The following CCDC194 variants were observed in gnomAD, a reference collection of about 807,000 sequenced individuals.
The protein encoded by CCDC194 is coiled-coil domain-containing protein 194.
Under a neutral mutation model 4.9 loss-of-function variants are expected in CCDC194, and 8 were observed. That is an observed-to-expected ratio of 1.65 (90% CI 0.97 to 2.97). The LOEUF is 2.97. Ranked by LOEUF, CCDC194 falls within the 30% of genes most tolerant of loss-of-function variation. The probability of loss-of-function intolerance (pLI) is 0.00; values close to 1 mark genes in which losing one functional copy is unlikely to be tolerated. For synonymous variants in CCDC194, 13 were observed against 17.0 expected, an observed-to-expected ratio of 0.76 and a Z score of 0.58; for missense variants, 52 against 43.1, an observed-to-expected ratio of 1.21 and a Z score of -0.58.
exon 3 of CCDC194, chr19:17,391,249 T>C: frequency 4.9e-6 from 2 of 406,220 alleles, no homozygotes; most frequent in Non-Finnish European, 8.6e-6. Context: ...CCGCACAGGC[T>C]TCGCCCTCGG....
At chr19:17,388,006 C>G (rs994604453), downstream of CCDC194, among the ~76,000 whole-genome samples, 4 of 151,814 alleles carry the variant, frequency 2.6e-5, no homozygotes, top group African/African-American at 9.7e-5. Context: ...CCCGCCTCAG[C>G]CTCCCAAGTA....
chr19:17,393,975 G>T (rs2145738794), exon 1 of CCDC194: 1 of 394,280 alleles, frequency 2.5e-6, no homozygotes, highest in East Asian at 3.6e-5. Flanking sequence ...CCAGGCGGCG[G>T]GTCCCCGGGC....
At chr19:17,394,104 C>G (rs1175838786) in exon 1 of CCDC194, 1 of 392,832 alleles carries the variant, frequency 2.5e-6, no homozygotes, top group Non-Finnish European at 4.5e-6. Context: ...ACGGCCACCC[C>G]GCACAGGGCG....
chr19:17,391,442 C>G (rs2074654492), intron 2 of CCDC194, 99 bp from the exon 3 acceptor site: 2 of 552,196 alleles, frequency 3.6e-6, no homozygotes, highest in South Asian at 4.9e-5. Flanking sequence ...CGTTTGCACG[C>G]TTTCCTTTAT....
At chr19:17,390,443 G>T (rs1361904502), downstream of CCDC194, 2 of 302,936 alleles carry the variant, frequency 6.6e-6, no homozygotes, top group Non-Finnish European at 1.1e-5. This position sits in a 1 kb window ranked among gnomAD's most constrained non-coding sequence, Gnocchi z 5.5. Context: ...CTCTATACAC[G>T]TCCCCGCAGA....
At chr19:17,389,003 T>C (rs1301237835), downstream of CCDC194, among the ~76,000 whole-genome samples, 1 of 152,036 alleles carries the variant, frequency 6.6e-6, no homozygotes, top group Non-Finnish European at 1.5e-5. Flanking sequence ...CATGCTCAGC[T>C]AATTATTGAT....
rs531342059 is a variant in CCDC194, at chr19:17,392,973, C to T, written c.324+862G>A. 2.4e-4 allele frequency among the ~76,000 whole-genome samples: 36 copies of T among 152,296 alleles called. No homozygotes were observed. In the South Asian group the frequency reaches 6.8e-3, roughly 29 times the overall value. On this transcript the variant is annotated intron_variant, in intron 1 of 3. Coordinates refer to ENST00000636079, the Ensembl canonical transcript of CCDC194. The stretch of plus-strand genomic sequence containing the variant: ...CTAGGATTACAGGCGTGAGCCACTG[C>T]GCCCGGCCCCATTTTGATTTTTAAT...
At chr19:17,391,704 C>T (rs1311904712) in intron 2 of CCDC194, 46 bp downstream of exon 2, 1 of 1,535,692 alleles carries the variant, frequency 6.5e-7, no homozygotes, top group Non-Finnish European at 8.7e-7. Flanking sequence ...TTCACCTAGG[C>T]TCCTCCCACT....
exon 1 of CCDC194, chr19:17,394,088 A>C: frequency 2.6e-6 from 1 of 391,432 alleles, no homozygotes; most frequent in Non-Finnish European, 4.5e-6. Context: ...TGCCGCAGCC[A>C]GGAACACGGC....
At chr19:17,392,336 T>TGTG (rs1167789454) in intron 1 of CCDC194, 2 of 147,556 alleles carry the variant, frequency 1.4e-5, no homozygotes, top group African/African-American at 5.0e-5. Context: ...AATAGCAGTG[T>TGTG]GTGGTGGTGG....
intron 1 of CCDC194, among the ~76,000 whole-genome samples, chr19:17,392,635 A>G (rs1416341204): frequency 6.6e-6 from 1 of 152,212 alleles, no homozygotes; most frequent in African/African-American, 2.4e-5. Flanking sequence ...CAGAGCCAGA[A>G]CCTGTACTTG....
chr19:17,394,173 C>T (rs1339593002), upstream of CCDC194: 8 of 391,036 alleles, frequency 2.0e-5, no homozygotes, highest in East Asian at 2.9e-4. Context: ...CGGTCCACAG[C>T]TCTGGCCCCA....
chr19:17,391,236 G>A (rs1183524542), exon 3 of CCDC194: 7 of 401,026 alleles, frequency 1.7e-5, no homozygotes, highest in Admixed American at 8.8e-5. Flanking sequence ...GCCGCCTCCC[G>A]GGCCGCACAG....
downstream of CCDC194, among the ~76,000 whole-genome samples, chr19:17,388,647 C>T (rs1382738652): frequency 6.6e-6 from 1 of 151,660 alleles, no homozygotes; most frequent in Middle Eastern, 3.2e-3. Context: ...GTGATCCACC[C>T]GCCTCAGCCT....
chr19:17,393,822 C>G lies in CCDC194; in HGVS notation c.324+13G>C, dbSNP rs2074664000. On this transcript the variant is annotated intron_variant, in intron 1 of 3. Transcript: ENST00000636079. ...CTGGATTCCCGAGCTCCCCCTCTAC[C>G]CGGCCCACCTACCTGGCGGCCTTCA... The G allele has an allele frequency of 2.5e-6, 1 of 396,286 alleles. No individual in the cohort carries two copies. The highest frequency in any genetic ancestry group is 4.4e-5 in the Admixed American group (1 of 22,632). 24.5% of individuals were successfully genotyped at this position (396,286 alleles called of 1,614,324 possible).
At chr19:17,388,749 C>T (rs767837171), downstream of CCDC194, among the ~76,000 whole-genome samples, 6 of 152,204 alleles carry the variant, frequency 3.9e-5, no homozygotes, top group East Asian at 1.9e-4. Flanking sequence ...GAGATCCTCC[C>T]GCCTTAGCCT....
downstream of CCDC194, among the ~76,000 whole-genome samples, chr19:17,388,400 T>C (rs2074643302): frequency 6.6e-6 from 1 of 151,288 alleles, no homozygotes; most frequent in Non-Finnish European, 1.5e-5. Flanking sequence ...TTTTTGTCTT[T>C]CTTTTTTCTT....
At chr19:17,388,485 T>C (rs947487299), downstream of CCDC194, among the ~76,000 whole-genome samples, 1 of 151,732 alleles carries the variant, frequency 6.6e-6, no homozygotes, top group African/African-American at 2.4e-5. Context: ...CTGCAGCCTC[T>C]GCCTCCCAGG....
chr19:17,391,774 C>G (rs915518771), exon 2 of CCDC194: 1 of 1,535,730 alleles, frequency 6.5e-7, no homozygotes, highest in African/African-American at 1.4e-5. Context: ...TTCTCGGCCC[C>G]CATCTGGGTC....
Sources: gnomAD v4.1 joint callset for allele counts (sites outside exome capture counted in the v4.1 genomes callset) on GRCh38, gnomAD v4.1.1 for gene constraint, Gnocchi (gnomAD v3.1) non-coding constraint, MANE v1.5 for transcripts, NCBI Gene and HGNC (gene_info 2026-07-23, HGNC 2026-07-21) for gene names.